SEMA3E: variants seen among roughly 807,000 people sequenced by gnomAD.
The protein encoded by SEMA3E is semaphorin 3E, also known as semaphorin-3E.
In SEMA3E, 49 loss-of-function variants were observed where a neutral mutation model predicts 93.6. The ratio of observed to expected loss-of-function variants is 0.52; its 90% CI spans 0.42 to 0.66. The LOEUF (loss-of-function observed/expected upper bound fraction) is 0.66, where lower values mean the gene tolerates loss of function less well. Ranked by LOEUF, SEMA3E falls within the 30% of genes least tolerant of loss-of-function variation. The probability of loss-of-function intolerance (pLI) is 0.00; values close to 1 mark genes in which losing one functional copy is unlikely to be tolerated. For missense variants in SEMA3E, 906 were observed against 964.8 expected, an observed-to-expected ratio of 0.94 and a Z score of 0.81; for synonymous variants, 363 against 330.7, an observed-to-expected ratio of 1.10 and a Z score of -1.06.
intron 4 of SEMA3E, among the ~76,000 whole-genome samples, chr7:83,428,172 T>C (rs2251163): frequency 0.53 from 81,243 of 152,118 alleles, 23,568 homozygotes; most frequent in East Asian, 0.85. Flanking sequence ...TAAGCTCTTT[T>C]CGACAGGTGT....
intron 16 of SEMA3E, among the ~76,000 whole-genome samples, chr7:83,381,408 T>G (rs1008773983): frequency 1.3e-5 from 2 of 152,014 alleles, no homozygotes; most frequent in African/African-American, 4.8e-5. Flanking sequence ...TATCTCATAC[T>G]GTTACATGAC....
At chr7:83,565,914 A>G (rs1021227837) in intron 1 of SEMA3E, among the ~76,000 whole-genome samples, 3 of 151,882 alleles carry the variant, frequency 2.0e-5, no homozygotes, top group Non-Finnish European at 4.4e-5. Flanking sequence ...AGAATTGTAA[A>G]TCTTACCATC....
chr7:83,389,672 T>C (rs1438717833), intron 14 of SEMA3E, among the ~76,000 whole-genome samples: 1 of 151,092 alleles, frequency 6.6e-6, no homozygotes, highest in African/African-American at 2.4e-5. Flanking sequence ...TACACACATA[T>C]ACACGTATAT....
intron 1 of SEMA3E, among the ~76,000 whole-genome samples, chr7:83,588,822 TA>T (rs1792689265): frequency 6.6e-6 from 1 of 152,148 alleles, no homozygotes; most frequent in African/African-American, 2.4e-5. Flanking sequence ...CGCAACTGTA[TA>T]ATCTGAAAAC....
intron 1 of SEMA3E, among the ~76,000 whole-genome samples, chr7:83,509,799 T>C (rs1237064749): frequency 2.6e-5 from 4 of 152,194 alleles, no homozygotes; most frequent in African/African-American, 9.7e-5. Flanking sequence ...TGACAAAGAT[T>C]GAGAACTTCT....
chr7:83,429,921 TTCTC>T (rs1788848230), intron 4 of SEMA3E, among the ~76,000 whole-genome samples: 1 of 152,206 alleles, frequency 6.6e-6, no homozygotes, highest in African/African-American at 2.4e-5. Context: ...TTCACTGATA[TTCTC>T]TAAGAAATCT....
At chr7:83,642,484 T>C (rs1794026476) in intron 1 of SEMA3E, among the ~76,000 whole-genome samples, 1 of 152,140 alleles carries the variant, frequency 6.6e-6, no homozygotes, top group South Asian at 2.1e-4. Flanking sequence ...GTAAATGTGG[T>C]ATGGACATGT....
At chr7:83,438,151 T>G (rs1789042008) in intron 4 of SEMA3E, among the ~76,000 whole-genome samples, 2 of 152,168 alleles carry the variant, frequency 1.3e-5, no homozygotes, top group African/African-American at 4.8e-5. Context: ...TGGTATTGAT[T>G]TTTATTTATT....
intron 3 of SEMA3E, 42 bp from the exon 4 acceptor site, chr7:83,466,643 A>ATAAT: frequency 6.2e-7 from 1 of 1,607,494 alleles, no homozygotes; most frequent in South Asian, 1.1e-5. Flanking sequence ...CAGTATAATA[A>ATAAT]ACATGTTTCG....
At position 83,364,623 on chromosome 7, in the gene SEMA3E, C is replaced by A. The variant is rs1794639017; in HGVS notation, c.*2963G>T. Reference sequence around the variant, plus strand: ...TTTGTTAACAAATCTGGATCTCTTGCCCAATGGGTGACGTTGTGCTGAAGG... The same window carrying A: ...TTTGTTAACAAATCTGGATCTCTTGACCAATGGGTGACGTTGTGCTGAAGG... On this transcript the variant is annotated 3_prime_UTR_variant, in exon 17 of 17. Transcript: ENST00000643230. 1 of 152,142 alleles carries A rather than the reference C, an allele frequency of 6.6e-6. No homozygotes were observed. Among genetic ancestry groups the A allele is most frequent in the South Asian group, 2.1e-4 (1 of 4,820 alleles). 9.4% of individuals were successfully genotyped at this position (152,142 alleles called of 1,614,324 possible).
At chr7:83,427,618 G>C (rs901190388) in intron 4 of SEMA3E, among the ~76,000 whole-genome samples, 1 of 152,134 alleles carries the variant, frequency 6.6e-6, no homozygotes, top group African/African-American at 2.4e-5. Context: ...ATATATTCCA[G>C]AAGGAAACTT....
chr7:83,543,869 G>A (rs554204491), intron 1 of SEMA3E, among the ~76,000 whole-genome samples: 15 of 152,094 alleles, frequency 9.9e-5, no homozygotes, highest in African/African-American at 3.4e-4. Flanking sequence ...CAATATCAAG[G>A]TAATGTTTAT....
Position 83,400,202 on chromosome 7 carries a change from G to A in SEMA3E, c.1192C>T (p.Pro398Ser). ...CTTGCAAATCGGATGGCATCATCAG[G>A]ATAGTCCTTGGTGGTTCCGTATCTC... ...GGRYGTTKDY[P>S]DDAIRFARSH... Residue 398 changes from proline (P) to serine (S), a missense_variant, in exon 11 of 17, where the codon CCT becomes TCT. Coordinates refer to ENST00000643230, the MANE Select transcript of SEMA3E (RefSeq NM_012431.3). The A allele has an allele frequency of 6.2e-7, 1 of 1,613,914 alleles. No homozygotes were observed. The highest frequency in any genetic ancestry group is 8.5e-7 in the Non-Finnish European group (1 of 1,179,936).
chr7:83,378,493 T>C (rs769051497), intron 16 of SEMA3E, among the ~76,000 whole-genome samples: 6 of 151,892 alleles, frequency 4.0e-5, no homozygotes, highest in Non-Finnish European at 8.8e-5. Context: ...TGGATCTCTC[T>C]CTTTGTCATT....
intron 1 of SEMA3E, among the ~76,000 whole-genome samples, chr7:83,644,275 G>T (rs998196437): frequency 6.6e-6 from 1 of 151,716 alleles, no homozygotes; most frequent in South Asian, 2.1e-4. Context: ...ATTATAACTA[G>T]AGGTCAAAGA....
chr7:83,410,455 A>C (rs1056132908), intron 5 of SEMA3E, among the ~76,000 whole-genome samples: 4 of 152,100 alleles, frequency 2.6e-5, no homozygotes, highest in Non-Finnish European at 5.9e-5. Flanking sequence ...ATCTGGACTT[A>C]ACAATATATA....
intron 1 of SEMA3E, among the ~76,000 whole-genome samples, chr7:83,558,293 T>C (rs1282769558): frequency 6.6e-6 from 1 of 152,182 alleles, no homozygotes; most frequent in Non-Finnish European, 1.5e-5. Context: ...CAAATAATTA[T>C]GTATGTGAAA....
At chr7:83,562,688 C>A (rs781342302) in intron 1 of SEMA3E, among the ~76,000 whole-genome samples, 15 of 151,966 alleles carry the variant, frequency 9.9e-5, no homozygotes, top group Non-Finnish European at 2.1e-4. Flanking sequence ...TTTAACTGAA[C>A]CTGGCTTCTA....
At chr7:83,446,642 G>T (rs1269809062) in intron 4 of SEMA3E, among the ~76,000 whole-genome samples, 3 of 152,214 alleles carry the variant, frequency 2.0e-5, no homozygotes, top group Non-Finnish European at 4.4e-5. Flanking sequence ...TGTTACCAAC[G>T]TTAAACTCTC....
Sources: gnomAD v4.1 joint callset for allele counts (sites outside exome capture counted in the v4.1 genomes callset) on GRCh38, gnomAD v4.1.1 for gene constraint, MANE v1.5 for transcripts, NCBI Gene and HGNC (gene_info 2026-07-23, HGNC 2026-07-21) for gene names.